Variants in CAST observed in about 807,000 individuals in gnomAD.
CAST encodes the protein MIR583 host.
CAST carries 76 observed loss-of-function variants against 119.6 expected under a neutral mutation model. That is an observed-to-expected ratio of 0.64 (90% CI 0.53 to 0.77). The LOEUF is 0.77. CAST is among the 30% of genes least tolerant of loss of function. The pLI is 0.00. For synonymous variants in CAST, 319 were observed against 331.6 expected (o/e 0.96, Z 0.41); for missense variants, 953 against 946.5 (o/e 1.01, Z -0.09).
At chr5:96,534,266 C>A (rs1745741562) in intron 1 of CAST, among the ~76,000 whole-genome samples, 1 of 152,068 alleles carries the variant, frequency 6.6e-6, no homozygotes, top group Admixed American at 6.6e-5. Flanking sequence ...GAGCAAAAAT[C>A]TATTTAAAGT....
intron 1 of CAST, among the ~76,000 whole-genome samples, chr5:96,635,561 T>A (rs558074215): frequency 6.6e-6 from 1 of 152,308 alleles, no homozygotes; most frequent in Admixed American, 6.5e-5. Flanking sequence ...AGATGTAATC[T>A]CTCTGGTAAC....
the CAST span, among the ~76,000 whole-genome samples, chr5:95,971,599 A>G: frequency 1.3e-5 from 2 of 152,220 alleles, no homozygotes; most frequent in Non-Finnish European, 2.9e-5. Flanking sequence ...GTCCCTTTGT[A>G]GTCAGATCTT....
chr5:96,617,790 T>TAAAAAAAAAAAAAA (rs1162873931), intron 1 of CAST, among the ~76,000 whole-genome samples: 1 of 22,000 alleles, frequency 4.5e-5, no homozygotes, highest in African/African-American at 1.2e-4. Context: ...AAATTCCATC[T>TAAAAAAAAAAAAAA]AAAAAAAAAA....
chr5:96,583,567 C>G lies in CAST; in HGVS notation c.60+53687C>G, dbSNP rs564133415. 3.3e-5 allele frequency among the ~76,000 whole-genome samples: 5 copies of G among 152,278 alleles called. No homozygotes were observed. The East Asian group carries it at 9.6e-4, about 29-fold the overall frequency. ...ATAATAATATTGACACTATCAGGCTCTGGTAAGGACCAATGGACTCAATAT... is the reference window on the plus strand; with the variant it reads ...ATAATAATATTGACACTATCAGGCTGTGGTAAGGACCAATGGACTCAATAT... On this transcript the variant is annotated intron_variant, in intron 1 of 11. Transcript: ENST00000505143.
At chr5:95,997,960 AG>A in the CAST span, among the ~76,000 whole-genome samples, 1,510 of 118,166 alleles carry the variant, frequency 0.013, 78 homozygotes, top group South Asian at 0.023. Flanking sequence ...CTTTTGAGAG[AG>A]GGTTTTTTTT....
the CAST span, among the ~76,000 whole-genome samples, chr5:96,024,038 T>A: frequency 2.0e-5 from 3 of 152,188 alleles, no homozygotes; most frequent in Non-Finnish European, 2.9e-5. Flanking sequence ...ACCACAGTTA[T>A]CATCATCCAA....
the CAST span, chr5:95,965,020 A>G: frequency 5.9e-5 from 9 of 151,568 alleles, no homozygotes; most frequent in South Asian, 2.1e-4. Flanking sequence ...TGCATATTTA[A>G]TGACTGTTTC....
intron 1 of CAST, among the ~76,000 whole-genome samples, chr5:96,664,333 A>ATG (rs1202126163): frequency 6.6e-6 from 1 of 152,004 alleles, no homozygotes; most frequent in Non-Finnish European, 1.5e-5. Flanking sequence ...ATGTAAATAT[A>ATG]TGTGTGTGCA....
the CAST span, among the ~76,000 whole-genome samples, chr5:96,509,380 C>T: frequency 6.6e-6 from 1 of 152,134 alleles, no homozygotes; most frequent in Non-Finnish European, 1.5e-5. Flanking sequence ...GTGTATAAGG[C>T]TCTGAATTTT....
intron 1 of CAST, among the ~76,000 whole-genome samples, chr5:96,673,161 T>C (rs137909802): frequency 9.6e-4 from 146 of 152,352 alleles, no homozygotes; most frequent in African/African-American, 3.1e-3. Flanking sequence ...TTATTACTTA[T>C]GTAATCTGAA....
chr5:95,976,542 GT>G, the CAST span, among the ~76,000 whole-genome samples: 34 of 152,070 alleles, frequency 2.2e-4, no homozygotes, highest in African/African-American at 8.2e-4. Context: ...AGCAAAGAGA[GT>G]TATAGAATCT....
At chr5:96,405,000 C>T in the CAST span, among the ~76,000 whole-genome samples, 5 of 152,120 alleles carry the variant, frequency 3.3e-5, no homozygotes, top group African/African-American at 1.2e-4. Context: ...TGGGATGGCA[C>T]ATGATTAAAT....
In CAST at chr5:96,736,183, G is replaced by T; in HGVS notation, c.642G>T (p.Lys214Asn). ...SGKPGDKKKE[K>N]KSLTPAVPVE... Reference sequence around the variant, plus strand: ...TCAATTCTCACCAGAAAAAAGAAAAGAAATCATTAACCCCAGCTGTGCCAG... The same window carrying T: ...TCAATTCTCACCAGAAAAAAGAAAATAAATCATTAACCCCAGCTGTGCCAG... Residue 214 changes from lysine (K) to asparagine (N), a missense_variant, in exon 10 of 32, where the codon AAG (lysine) becomes AAT (asparagine). Physicochemically the swap from Lys to Asn is moderately conservative, Grantham distance 94 (BLOSUM62 0). Coordinates refer to ENST00000675179, the MANE Select transcript of CAST (RefSeq NM_001750.7). The T allele has an allele frequency of 6.2e-7, 1 of 1,611,262 alleles. No individual in the cohort carries two copies. The highest frequency in any genetic ancestry group is 8.5e-7 in the Non-Finnish European group (1 of 1,178,410).
chr5:96,712,017 A>G lies in CAST; in HGVS notation c.211-10622A>G, dbSNP rs190306928. ...ACATAACTGAAAACACCCTTATCCT[A>G]TAGGAAATAGGACACCCTTACCCTA... On this transcript the variant is annotated intron_variant, in intron 3 of 31. Coordinates refer to ENST00000675179, the MANE Select transcript of CAST (RefSeq NM_001750.7). 2.0e-5 allele frequency among the ~76,000 whole-genome samples: 3 copies of G among 152,362 alleles called. No individual in the cohort carries two copies. In the East Asian group the frequency reaches 5.8e-4, roughly 29 times the overall value.
chr5:96,535,981 A>C (rs924573049), intron 1 of CAST, among the ~76,000 whole-genome samples: 18 of 149,936 alleles, frequency 1.2e-4, no homozygotes, highest in African/African-American at 4.2e-4. Flanking sequence ...CCTTTAGTAC[A>C]TTTAAATCTT....
At chr5:96,617,215 A>C (rs1320307057) in intron 1 of CAST, among the ~76,000 whole-genome samples, 1 of 151,572 alleles carries the variant, frequency 6.6e-6, no homozygotes, top group Non-Finnish European at 1.5e-5. Flanking sequence ...AAAGCTACAG[A>C]CTCTTGCCCT....
chr5:96,526,426 T>C (rs1189972047), upstream of CAST, among the ~76,000 whole-genome samples: 1 of 152,202 alleles, frequency 6.6e-6, no homozygotes. Context: ...TTTCTCTAAG[T>C]AGTTCTTTTC....
intron 3 of CAST, among the ~76,000 whole-genome samples, chr5:96,700,988 G>A (rs1241569110): frequency 5.3e-5 from 8 of 151,606 alleles, no homozygotes; most frequent in East Asian, 1.9e-4. Flanking sequence ...GTGCAGTGGT[G>A]TGATCTCAGC....
chr5:96,222,445 G>T, the CAST span, among the ~76,000 whole-genome samples: 2 of 151,944 alleles, frequency 1.3e-5, no homozygotes, highest in African/African-American at 4.8e-5. Context: ...TAAAAATTGG[G>T]CAAAGAACAT....
Sources: allele counts gnomAD v4.1 joint callset (sites outside exome capture counted in the v4.1 genomes callset), GRCh38; gene constraint gnomAD v4.1.1; transcripts MANE v1.5; gene names NCBI Gene and HGNC (gene_info 2026-07-23, HGNC 2026-07-21).